KCNAB1: variants seen among roughly 807,000 people sequenced by gnomAD.
KCNAB1 encodes the protein potassium voltage-gated channel subfamily A regulatory beta subunit 1, also known as voltage-gated potassium channel subunit beta-1.
KCNAB1 carries 35 observed loss-of-function variants against 64.6 expected under a neutral mutation model. The ratio of observed to expected loss-of-function variants is 0.54; its 90% CI spans 0.41 to 0.72. The LOEUF (loss-of-function observed/expected upper bound fraction) is 0.72, where lower values mean the gene tolerates loss of function less well. Ranked by LOEUF, KCNAB1 falls within the 30% of genes least tolerant of loss-of-function variation. The pLI is 0.00. For missense variants in KCNAB1, 401 were observed against 512.9 expected (o/e 0.78, Z 2.11); for synonymous variants, 177 against 183.8 (o/e 0.96, Z 0.30).
chr3:156,182,695 A>ATTTTTTTTTTTTTTTTTTT (rs10624040), intron 1 of KCNAB1, among the ~76,000 whole-genome samples: 50 of 132,704 alleles, frequency 3.8e-4, no homozygotes, highest in Non-Finnish European at 5.5e-4. Flanking sequence ...AAGTAAGACA[A>ATTTTTTTTTTTTTTTTTTT]TTTTTTTTTT....
At chr3:156,187,269 C>A (rs961115428) in intron 1 of KCNAB1, among the ~76,000 whole-genome samples, 1 of 152,158 alleles carries the variant, frequency 6.6e-6, no homozygotes, top group Non-Finnish European at 1.5e-5. Context: ...TATACACTCC[C>A]CATGAGTTGA....
At chr3:156,487,080 A>G (rs9826583) in intron 8 of KCNAB1, among the ~76,000 whole-genome samples, 7,772 of 152,236 alleles carry the variant, frequency 0.051, 577 homozygotes, top group African/African-American at 0.17. Flanking sequence ...CTTAAATTAC[A>G]TGCACATGCC....
At chr3:156,279,687 T>A (rs1421743207) in intron 1 of KCNAB1, among the ~76,000 whole-genome samples, 2 of 152,340 alleles carry the variant, frequency 1.3e-5, no homozygotes, top group South Asian at 4.1e-4. Flanking sequence ...TATCTCATTG[T>A]GGTTTTGATT....
intron 8 of KCNAB1, among the ~76,000 whole-genome samples, chr3:156,484,381 G>T (rs573983354): frequency 6.6e-6 from 1 of 152,080 alleles, no homozygotes; most frequent in Non-Finnish European, 1.5e-5. Flanking sequence ...GAGAGAGAGA[G>T]AGGGAGAACA....
chr3:156,334,707 A>G (rs1364581325), intron 1 of KCNAB1, among the ~76,000 whole-genome samples: 1 of 152,176 alleles, frequency 6.6e-6, no homozygotes, highest in Non-Finnish European at 1.5e-5. Flanking sequence ...TCTCATACCA[A>G]TAGAAATCAA....
At chr3:156,476,207 G>A (rs1334062833) in intron 8 of KCNAB1, among the ~76,000 whole-genome samples, 1 of 151,938 alleles carries the variant, frequency 6.6e-6, no homozygotes, top group Non-Finnish European at 1.5e-5. Flanking sequence ...ACATGAGTAA[G>A]TGCTTTAGCG....
chr3:156,306,829 C>A (rs1169465457), intron 1 of KCNAB1, among the ~76,000 whole-genome samples: 1 of 152,136 alleles, frequency 6.6e-6, no homozygotes, highest in East Asian at 1.9e-4. Context: ...AACTGAGGAC[C>A]ATGTGGTCTG....
At chr3:156,348,358 A>C (rs943266453) in intron 1 of KCNAB1, among the ~76,000 whole-genome samples, 3 of 152,220 alleles carry the variant, frequency 2.0e-5, no homozygotes, top group Non-Finnish European at 4.4e-5. Flanking sequence ...GGCAGTAGAC[A>C]CTAGTGATCA....
intron 8 of KCNAB1, among the ~76,000 whole-genome samples, chr3:156,504,352 G>GA (rs1716667748): frequency 6.6e-6 from 1 of 152,112 alleles, no homozygotes. Context: ...TGGCTAGTGT[G>GA]AATTGTGCCG....
chr3:156,399,427 C>T (rs868022249), intron 1 of KCNAB1, among the ~76,000 whole-genome samples: 1 of 152,166 alleles, frequency 6.6e-6, no homozygotes, highest in African/African-American at 2.4e-5. Context: ...ATAGCTTTCT[C>T]ACCGAATATG....
chr3:156,509,295 C>T (rs946730310), intron 8 of KCNAB1, among the ~76,000 whole-genome samples: 1 of 152,164 alleles, frequency 6.6e-6, no homozygotes, highest in East Asian at 1.9e-4. Context: ...TGAAAGGCTG[C>T]TTAAAACACA....
intron 1 of KCNAB1, among the ~76,000 whole-genome samples, chr3:156,214,486 T>A (rs1213115489): frequency 6.6e-6 from 1 of 151,978 alleles, no homozygotes; most frequent in Non-Finnish European, 1.5e-5. Context: ...GAATACTGAG[T>A]GTTTTCTTTT....
chr3:156,284,721 C>T (rs998595158), intron 1 of KCNAB1, among the ~76,000 whole-genome samples: 4 of 152,190 alleles, frequency 2.6e-5, no homozygotes, highest in Non-Finnish European at 5.9e-5. Context: ...GTGGGAGTGA[C>T]CCGATTTTCC....
At chr3:156,296,505 G>C (rs1168025082) in intron 1 of KCNAB1, among the ~76,000 whole-genome samples, 1 of 122,356 alleles carries the variant, frequency 8.2e-6, no homozygotes, top group South Asian at 2.5e-4. Flanking sequence ...ATGGAGTCTC[G>C]CTCTGTAGCG....
chr3:156,414,736 T>C (rs1362014258), intron 1 of KCNAB1, among the ~76,000 whole-genome samples: 1 of 152,208 alleles, frequency 6.6e-6, no homozygotes, highest in Non-Finnish European at 1.5e-5. Context: ...CTTTTTGAGT[T>C]ACTGATGTCC....
At chr3:156,388,761 G>T (rs1712805702) in intron 1 of KCNAB1, among the ~76,000 whole-genome samples, 1 of 152,206 alleles carries the variant, frequency 6.6e-6, no homozygotes, top group Non-Finnish European at 1.5e-5. Flanking sequence ...TCCACTCACA[G>T]TTCAAACTCT....
intron 1 of KCNAB1, among the ~76,000 whole-genome samples, chr3:156,407,764 C>T (rs1714348107): frequency 6.6e-6 from 1 of 152,228 alleles, no homozygotes; most frequent in Non-Finnish European, 1.5e-5. Context: ...AAGCTGTGAA[C>T]ATGATCTCTT....
chr3:156,529,357 G>A (rs1475726612), intron 12 of KCNAB1, among the ~76,000 whole-genome samples: 2 of 152,064 alleles, frequency 1.3e-5, no homozygotes, highest in Non-Finnish European at 2.9e-5. Context: ...TGATGGAAAT[G>A]TTATAAAACT....
intron 1 of KCNAB1, among the ~76,000 whole-genome samples, chr3:156,266,446 T>G (rs1332279712): frequency 6.6e-6 from 1 of 152,212 alleles, no homozygotes; most frequent in African/African-American, 2.4e-5. Context: ...TTTCATTCAA[T>G]AGGAATTCAA....
Sources: gnomAD v4.1 joint callset for allele counts (sites outside exome capture counted in the v4.1 genomes callset) on GRCh38, gnomAD v4.1.1 for gene constraint, MANE v1.5 for transcripts, NCBI Gene and HGNC (gene_info 2026-07-23, HGNC 2026-07-21) for gene names.